Variants in SPATA13 observed in about 807,000 individuals in gnomAD.
The protein encoded by SPATA13 is spermatogenesis-associated protein 13.
SPATA13 carries 50 observed loss-of-function variants against 104.0 expected under a neutral mutation model. That is an observed-to-expected ratio of 0.48 (90% CI 0.38 to 0.61). The LOEUF is 0.61. Ranked by LOEUF, SPATA13 falls within the 20% of genes least tolerant of loss-of-function variation. The pLI, the probability that SPATA13 is intolerant of heterozygous loss-of-function variation, is 0.00. For synonymous variants in SPATA13, 606 were observed against 667.5 expected, an observed-to-expected ratio of 0.91 and a Z score of 1.42; for missense variants, 1,524 against 1,690.6, an observed-to-expected ratio of 0.90 and a Z score of 1.73.
In SPATA13 at chr13:24,184,576, C is replaced by A. The variant is rs542192786; in HGVS notation, c.-112+23644C>A. On this transcript the variant is annotated intron_variant, in intron 1 of 12. Transcript: ENST00000382108. The stretch of plus-strand genomic sequence containing the variant: ...TCTGTTTAACTTGTTGATTTTTTTT[C>A]TCTCTGATGTGTAATTGTTGTTATC... Among the ~76,000 whole-genome samples, 5 of 152,106 alleles carry A rather than the reference C, an allele frequency of 3.3e-5. No homozygotes were observed. In the South Asian group the frequency reaches 1.0e-3, roughly 32 times the overall value.
At chr13:24,299,488 C>T (rs925519213) in intron 11 of SPATA13, among the ~76,000 whole-genome samples, 1 of 152,206 alleles carries the variant, frequency 6.6e-6, no homozygotes, top group Non-Finnish European at 1.5e-5. Flanking sequence ...AGAATGGACA[C>T]GGAGGGCCTT....
intron 2 of SPATA13, among the ~76,000 whole-genome samples, chr13:24,240,226 C>T: frequency 6.6e-6 from 1 of 151,850 alleles, no homozygotes; most frequent in East Asian, 1.9e-4. Flanking sequence ...CACCACTGCA[C>T]TGCAGCCTGA....
intron 2 of SPATA13, among the ~76,000 whole-genome samples, chr13:23,996,241 C>T (rs917055278): frequency 2.6e-5 from 4 of 152,042 alleles, no homozygotes; most frequent in Admixed American, 6.6e-5. Flanking sequence ...AGGGAGAGTC[C>T]GCCGCCTTGC....
At chr13:24,194,324 C>T (rs1156493039) in intron 1 of SPATA13, among the ~76,000 whole-genome samples, 1 of 152,156 alleles carries the variant, frequency 6.6e-6, no homozygotes, top group Non-Finnish European at 1.5e-5. Flanking sequence ...AAGTTAGCGC[C>T]GTTCAATCAT....
In SPATA13 at chr13:24,060,359, A is replaced by G. The variant is rs75672682; in HGVS notation, c.-112+42658A>G. Among the ~76,000 whole-genome samples, 87 of 152,316 alleles carry G rather than the reference A, an allele frequency of 5.7e-4. No individual in the cohort carries two copies. The East Asian group carries it at 6.6e-3, about 11-fold the overall frequency. Reference sequence around the variant, plus strand: ...AAGAATTCTCTATTCAATAAATGGTACTGGGATAACTAGCTAACCGTATGA... The same window carrying G: ...AAGAATTCTCTATTCAATAAATGGTGCTGGGATAACTAGCTAACCGTATGA... On this transcript the variant is annotated intron_variant, in intron 3 of 14. Coordinates refer to the SPATA13 transcript ENST00000424834.
intron 3 of SPATA13, among the ~76,000 whole-genome samples, chr13:24,098,620 A>AAAGG (rs1880157214): frequency 1.7e-5 from 1 of 60,152 alleles, no homozygotes; most frequent in Admixed American, 2.4e-4. Flanking sequence ...AAGAAGAAGA[A>AAAGG]AAGAAAGAAA....
chr13:24,302,836 G>A lies in SPATA13; in HGVS notation c.*63G>A. ...GAGAAGAACTGTCTTTGTTTCTTGT[G>A]TGCTTCAATCCAGGGAAAGTTTCTT... is the stretch of plus-strand genomic sequence containing the variant. On this transcript the variant is annotated 3_prime_UTR_variant, in exon 13 of 13. Coordinates refer to ENST00000382108, the MANE Select transcript of SPATA13 (RefSeq NM_001166271.3). The A allele has an allele frequency of 1.2e-6, 2 of 1,605,884 alleles. No individual in the cohort carries two copies. Among genetic ancestry groups the A allele is most frequent in the Non-Finnish European group, 1.7e-6 (2 of 1,174,608 alleles).
intron 4 of SPATA13, among the ~76,000 whole-genome samples, chr13:24,282,304 A>T (rs1169127175): frequency 1.3e-5 from 2 of 152,216 alleles, no homozygotes; most frequent in Non-Finnish European, 2.9e-5. Context: ...AGAACTCTTC[A>T]GTCAGAAACC....
Position 24,294,269 on chromosome 13 carries a change from C to G in SPATA13, c.3081-470C>G, listed in dbSNP as rs185426719. Reference sequence around the variant, plus strand: ...GTAACTCACCACTTCAGGTGCCTGTCCTCTCCTGTCCTTTCCCGAACAGCA... The same window carrying G: ...GTAACTCACCACTTCAGGTGCCTGTGCTCTCCTGTCCTTTCCCGAACAGCA... On this transcript the variant is annotated intron_variant, in intron 9 of 12. Coordinates refer to ENST00000382108, the MANE Select transcript of SPATA13 (RefSeq NM_001166271.3). Among the ~76,000 whole-genome samples the G allele has an allele frequency of 6.6e-5, 10 of 152,294 alleles. No individual in the cohort carries two copies. In the East Asian group the frequency reaches 1.9e-3, roughly 29 times the overall value.
At chr13:24,262,498 A>T (rs1480312372) in intron 4 of SPATA13, among the ~76,000 whole-genome samples, 1 of 152,206 alleles carries the variant, frequency 6.6e-6, no homozygotes, top group East Asian at 1.9e-4. Context: ...GAGGTTACTC[A>T]TACAGTTATT....
intron 3 of SPATA13, among the ~76,000 whole-genome samples, chr13:24,041,207 G>C (rs961002094): frequency 6.6e-6 from 1 of 152,198 alleles, no homozygotes; most frequent in African/African-American, 2.4e-5. Flanking sequence ...GGAGAAGCTT[G>C]TTTGTTAAAT....
chr13:24,232,987 A>G (rs952588009), intron 2 of SPATA13, among the ~76,000 whole-genome samples: 1 of 152,194 alleles, frequency 6.6e-6, no homozygotes, highest in African/African-American at 2.4e-5. Context: ...TGGAAGTTTT[A>G]TCATTTTAGC....
intron 3 of SPATA13, among the ~76,000 whole-genome samples, chr13:24,140,025 T>G (rs548844374): frequency 6.8e-6 from 1 of 148,022 alleles, no homozygotes; most frequent in Non-Finnish European, 1.5e-5. Flanking sequence ...GCCAAGGTCG[T>G]GCCACTGCAC....
At chr13:24,069,127 A>G (rs994559501) in intron 3 of SPATA13, among the ~76,000 whole-genome samples, 3 of 152,108 alleles carry the variant, frequency 2.0e-5, no homozygotes, top group African/African-American at 7.2e-5. Context: ...TTTCATATGA[A>G]TTTTAAAATA....
At chr13:24,035,888 G>A (rs1566080536) in intron 3 of SPATA13, among the ~76,000 whole-genome samples, 1 of 151,852 alleles carries the variant, frequency 6.6e-6, no homozygotes, top group Non-Finnish European at 1.5e-5. Flanking sequence ...CATGGCTCAC[G>A]CCTGTAGTCC....
intron 1 of SPATA13, among the ~76,000 whole-genome samples, chr13:24,165,896 G>A (rs1882711675): frequency 6.6e-6 from 1 of 152,210 alleles, no homozygotes; most frequent in Admixed American, 6.5e-5. Flanking sequence ...AATGTGCCCT[G>A]AGTCCTAAAC....
intron 1 of SPATA13, among the ~76,000 whole-genome samples, chr13:24,190,875 G>A (rs1475486142): frequency 6.6e-6 from 1 of 152,112 alleles, no homozygotes; most frequent in South Asian, 2.1e-4. Flanking sequence ...TCTGCTGTGG[G>A]TAAAATGCTA....
At chr13:24,184,824 A>G (rs1215137776) in intron 1 of SPATA13, among the ~76,000 whole-genome samples, 1 of 152,112 alleles carries the variant, frequency 6.6e-6, no homozygotes, top group Non-Finnish European at 1.5e-5. Context: ...TTTTTTAATA[A>G]AATACTTCTT....
intron 1 of SPATA13, among the ~76,000 whole-genome samples, chr13:24,166,676 C>A (rs1882745320): frequency 6.6e-6 from 1 of 152,178 alleles, no homozygotes; most frequent in African/African-American, 2.4e-5. Flanking sequence ...GCCCAGCAAT[C>A]TGTTTTTTAA....
Sources: gnomAD v4.1 joint callset for allele counts (sites outside exome capture counted in the v4.1 genomes callset) on GRCh38, gnomAD v4.1.1 for gene constraint, MANE v1.5 for transcripts, NCBI Gene and HGNC (gene_info 2026-07-23, HGNC 2026-07-21) for gene names.